Variants in XKR6 observed in about 807,000 individuals in gnomAD.
XKR6 encodes the protein XK-related protein 6.
In XKR6, 22 loss-of-function variants were observed where a neutral mutation model predicts 56.7. That is an observed-to-expected ratio of 0.39 (90% CI 0.28 to 0.55). XKR6 has a LOEUF of 0.55. XKR6 is among the 20% of genes least tolerant of loss of function. XKR6 has a pLI of 0.66. For synonymous variants in XKR6, 524 were observed against 387.8 expected, an observed-to-expected ratio of 1.35 and a Z score of -4.13; for missense variants, 852 against 889.0, an observed-to-expected ratio of 0.96 and a Z score of 0.53.
At chr8:11,128,151 A>C (rs1799922787) in intron 1 of XKR6, among the ~76,000 whole-genome samples, 1 of 152,160 alleles carries the variant, frequency 6.6e-6, no homozygotes, top group Non-Finnish European at 1.5e-5. Context: ...GGACAATCTG[A>C]ATGTTTGGTT....
At chr8:10,922,612 C>T (rs760281088) in intron 2 of XKR6, among the ~76,000 whole-genome samples, 2 of 152,222 alleles carry the variant, frequency 1.3e-5, no homozygotes, top group Admixed American at 6.5e-5. Context: ...GTTGTCCATG[C>T]TCACACCATG....
intron 1 of XKR6, among the ~76,000 whole-genome samples, chr8:11,065,006 C>A (rs1310362408): frequency 6.6e-6 from 1 of 152,182 alleles, no homozygotes; most frequent in Non-Finnish European, 1.5e-5. Flanking sequence ...AAAAATATTT[C>A]TTTACATCCT....
intron 1 of XKR6, among the ~76,000 whole-genome samples, chr8:11,051,252 G>T (rs528990552): frequency 1.3e-5 from 2 of 151,778 alleles, no homozygotes; most frequent in South Asian, 4.2e-4. Context: ...TCACCCTGCT[G>T]GTTCCCCCAC....
At chr8:11,130,030 G>A (rs947941840) in intron 1 of XKR6, among the ~76,000 whole-genome samples, 1 of 152,052 alleles carries the variant, frequency 6.6e-6, no homozygotes, top group Non-Finnish European at 1.5e-5. Flanking sequence ...TGACAATAAA[G>A]CGCTGAAATT....
At chr8:10,921,408 G>A (rs933035539) in intron 2 of XKR6, among the ~76,000 whole-genome samples, 2 of 152,208 alleles carry the variant, frequency 1.3e-5, no homozygotes, top group Non-Finnish European at 2.9e-5. Flanking sequence ...GTGGTACCAT[G>A]AGGATGGGGA....
Position 10,955,879 on chromosome 8 carries a change from T to A in XKR6, c.765-31049A>T, listed in dbSNP as rs114109388. Among the ~76,000 whole-genome samples, 1,151 of 152,364 alleles carry A rather than the reference T, an allele frequency of 7.6e-3. 15 individuals carry two copies. Among genetic ancestry groups the A allele is most frequent in the African/African-American group, 0.026 (1,102 of 41,588 alleles). On this transcript the variant is annotated intron_variant, in intron 1 of 2. Transcript: ENST00000416569. Reference sequence around the variant, plus strand: ...CCTGGGTATTTATTTCAATGTCATGTTGCCTTGACAAAATGCTGAGAGGGA... The same window carrying A: ...CCTGGGTATTTATTTCAATGTCATGATGCCTTGACAAAATGCTGAGAGGGA...
intron 1 of XKR6, among the ~76,000 whole-genome samples, chr8:11,098,648 G>C (rs373727502): frequency 1.3e-5 from 2 of 152,100 alleles, no homozygotes; most frequent in East Asian, 1.9e-4. Flanking sequence ...CTTACAGAAA[G>C]GTTCAAGGTA....
chr8:11,176,984 A>G (rs949697400), intron 1 of XKR6, among the ~76,000 whole-genome samples: 16 of 152,216 alleles, frequency 1.1e-4, no homozygotes, highest in African/African-American at 3.4e-4. Context: ...TGCACTGGTG[A>G]CAGGACGCCA....
intron 1 of XKR6, among the ~76,000 whole-genome samples, chr8:11,180,133 C>A (rs569242391): frequency 1.3e-5 from 2 of 152,020 alleles, no homozygotes; most frequent in South Asian, 4.2e-4. Context: ...GACTGAGACC[C>A]TGTCTCAAAA....
chr8:10,943,679 A>C, intron 1 of XKR6, among the ~76,000 whole-genome samples: 1 of 152,196 alleles, frequency 6.6e-6, no homozygotes, highest in East Asian at 1.9e-4. Context: ...AGCCTCCAGA[A>C]AGCCTTACGA....
intron 1 of XKR6, among the ~76,000 whole-genome samples, chr8:10,971,404 G>A (rs1802406550): frequency 1.3e-5 from 2 of 152,014 alleles, no homozygotes; most frequent in Non-Finnish European, 2.9e-5. Flanking sequence ...CTGGGTGACA[G>A]AGCGAGACTC....
At chr8:10,926,354 C>T (rs536881954) in intron 1 of XKR6, among the ~76,000 whole-genome samples, 1 of 152,244 alleles carries the variant, frequency 6.6e-6, no homozygotes, top group Non-Finnish European at 1.5e-5. Flanking sequence ...CTCAAACACA[C>T]ATGCCAGGTG....
chr8:11,015,421 G>C (rs1362187534), intron 1 of XKR6, among the ~76,000 whole-genome samples: 3 of 152,126 alleles, frequency 2.0e-5, no homozygotes, highest in African/African-American at 7.2e-5. Context: ...ACAAGGACGT[G>C]TCTAAACGCA....
chr8:11,035,564 T>C (rs1799119051), intron 1 of XKR6, among the ~76,000 whole-genome samples: 1 of 152,236 alleles, frequency 6.6e-6, no homozygotes. Flanking sequence ...GCTCTGCAGC[T>C]GAACTTCAAG....
At chr8:10,949,342 G>A (rs1801649097) in intron 1 of XKR6, among the ~76,000 whole-genome samples, 2 of 152,254 alleles carry the variant, frequency 1.3e-5, no homozygotes, top group South Asian at 2.1e-4. Context: ...GACCCAGCAT[G>A]GGCCCCCTTC....
At chr8:11,066,713 T>C (rs1255669722) in intron 1 of XKR6, 2 of 152,220 alleles carry the variant, frequency 1.3e-5, no homozygotes, top group African/African-American at 4.8e-5. Flanking sequence ...TTTGAGGCAT[T>C]ACAATCATTG....
chr8:10,994,466 T>C (rs1798064735), intron 1 of XKR6, among the ~76,000 whole-genome samples: 1 of 152,164 alleles, frequency 6.6e-6, no homozygotes, highest in Admixed American at 6.5e-5. Context: ...AGCAGCAAGA[T>C]TCTTTGCCAG....
At chr8:11,117,551 T>C (rs1233660584) in intron 1 of XKR6, among the ~76,000 whole-genome samples, 2 of 152,032 alleles carry the variant, frequency 1.3e-5, no homozygotes, top group Non-Finnish European at 2.9e-5. Context: ...CAAAATAACA[T>C]CCAGAAATGT....
chr8:11,190,009 T>G (rs1460025722), intron 1 of XKR6, among the ~76,000 whole-genome samples: 1 of 151,972 alleles, frequency 6.6e-6, no homozygotes, highest in Non-Finnish European at 1.5e-5. Flanking sequence ...GTACAAAAAT[T>G]AGACGGGTAT....
Sources: gnomAD v4.1 joint callset for allele counts (sites outside exome capture counted in the v4.1 genomes callset) on GRCh38, gnomAD v4.1.1 for gene constraint, MANE v1.5 for transcripts, NCBI Gene and HGNC (gene_info 2026-07-23, HGNC 2026-07-21) for gene names.